Variants in GRIK1 observed in about 807,000 individuals in gnomAD.
The protein encoded by GRIK1 is glutamate receptor ionotropic, kainate 1.
A neutral mutation model predicts 105.7 loss-of-function variants in GRIK1; 69 were observed. The ratio of observed to expected loss-of-function variants is 0.65; its 90% confidence interval spans 0.54 to 0.80. The LOEUF is 0.80. Among genes scored for constraint, GRIK1 ranks in the 30% least tolerant of loss-of-function variants. The pLI is 0.00. For missense variants in GRIK1, 1,109 were observed against 1,167.3 expected, an observed-to-expected ratio of 0.95 and a Z score of 0.73; for synonymous variants, 438 against 431.3, an observed-to-expected ratio of 1.02 and a Z score of -0.19.
chr21:29,544,084 C>T (rs77153871), intron 16 of GRIK1, among the ~76,000 whole-genome samples: 3,634 of 152,254 alleles, frequency 0.024, 133 homozygotes, highest in African/African-American at 0.082. Flanking sequence ...TTTGCATGAA[C>T]GCATGCCCTA....
chr21:29,588,099 C>A (rs1005617823), intron 11 of GRIK1, among the ~76,000 whole-genome samples: 1 of 149,880 alleles, frequency 6.7e-6, no homozygotes, highest in East Asian at 2.0e-4. Flanking sequence ...CTCAGCCTAC[C>A]GAGTAGCTGG....
rs184032488 is a variant in GRIK1, at chr21:29,703,208, G to A, written c.119-9145C>T. On this transcript the variant is annotated intron_variant, in intron 1 of 17. Coordinates refer to ENST00000327783, the MANE Select transcript of GRIK1 (RefSeq NM_001330994.2). ...TACTATATGTATTCTAACAAAGCTCGCTTGCTCCCTTAACTAACTTCTGTG... is the reference window on the plus strand; with the variant it reads ...TACTATATGTATTCTAACAAAGCTCACTTGCTCCCTTAACTAACTTCTGTG... Among the ~76,000 whole-genome samples the A allele has an allele frequency of 3.3e-5, 5 of 152,254 alleles. No individual in the cohort carries two copies. The East Asian group carries it at 7.7e-4, about 23-fold the overall frequency.
At chr21:29,680,378 G>A (rs1337265183) in intron 3 of GRIK1, among the ~76,000 whole-genome samples, 4 of 152,074 alleles carry the variant, frequency 2.6e-5, no homozygotes, top group Non-Finnish European at 4.4e-5. Flanking sequence ...CATTAAAAAT[G>A]TTTCCAGAAC....
At chr21:29,888,544 T>G (rs1392902241) in intron 1 of GRIK1, among the ~76,000 whole-genome samples, 2 of 151,862 alleles carry the variant, frequency 1.3e-5, no homozygotes, top group African/African-American at 4.8e-5. Context: ...GGGAACCACT[T>G]ACAGGTGTGA....
intron 16 of GRIK1, chr21:29,553,401 T>A (rs1190325176): frequency 6.8e-6 from 9 of 1,319,662 alleles, no homozygotes; most frequent in Non-Finnish European, 7.7e-6. Context: ...ATCTTTCCAG[T>A]GTATTCATTT....
intron 1 of GRIK1, among the ~76,000 whole-genome samples, chr21:29,821,916 T>G (rs371993341): frequency 6.6e-6 from 1 of 152,040 alleles, no homozygotes; most frequent in East Asian, 1.9e-4. Flanking sequence ...GCAATTCTTC[T>G]GTAAGCTTTT....
At chr21:29,697,004 T>C (rs1249866715) in intron 1 of GRIK1, among the ~76,000 whole-genome samples, 1 of 152,074 alleles carries the variant, frequency 6.6e-6, no homozygotes, top group African/African-American at 2.4e-5. Flanking sequence ...TTTTTTTCCA[T>C]TTTTATAAAT....
chr21:29,886,621 T>C (rs1403663535), intron 1 of GRIK1, among the ~76,000 whole-genome samples: 1 of 152,204 alleles, frequency 6.6e-6, no homozygotes, highest in African/African-American at 2.4e-5. Flanking sequence ...ACAATAACTT[T>C]AAGGGTAAGT....
At chr21:29,800,389 C>A (rs906430363) in intron 1 of GRIK1, among the ~76,000 whole-genome samples, 2 of 152,180 alleles carry the variant, frequency 1.3e-5, no homozygotes, top group South Asian at 4.1e-4. Flanking sequence ...CCATTTTCCC[C>A]ACTCTAAAAG....
At chr21:29,721,259 C>G (rs945245607) in intron 1 of GRIK1, among the ~76,000 whole-genome samples, 1 of 152,112 alleles carries the variant, frequency 6.6e-6, no homozygotes, top group East Asian at 1.9e-4. Flanking sequence ...GTTATTGAAC[C>G]CTCCGAGGAT....
At chr21:29,758,051 A>C (rs773007062) in intron 1 of GRIK1, among the ~76,000 whole-genome samples, 45 of 152,236 alleles carry the variant, frequency 3.0e-4, no homozygotes, top group Non-Finnish European at 6.2e-4. Flanking sequence ...GGGAAGGGGT[A>C]GCATGTTCCA....
At chr21:29,891,959 C>T (rs1447979305) in intron 1 of GRIK1, among the ~76,000 whole-genome samples, 1 of 152,164 alleles carries the variant, frequency 6.6e-6, no homozygotes, top group African/African-American at 2.4e-5. Flanking sequence ...ATCGTAGGTA[C>T]TCAATCTGAG....
Position 29,759,553 on chromosome 21 carries a change from CAT to C in GRIK1, c.119-65492_119-65491del, listed in dbSNP as rs574479889. Among the ~76,000 whole-genome samples the C allele has an allele frequency of 2.2e-4, 34 of 152,258 alleles. No homozygotes were observed. In the South Asian group the frequency reaches 6.0e-3, roughly 27 times the overall value. On this transcript the variant is annotated intron_variant, in intron 1 of 17. Transcript: ENST00000327783. ...TACATCCTTCTTAAGTCTTTGGAATCATAGATTATACTATCAGCAGATAAACT... is the reference window on the plus strand; with the variant it reads ...TACATCCTTCTTAAGTCTTTGGAATCAGATTATACTATCAGCAGATAAACT...
chr21:29,631,693 T>C (rs147749321), intron 7 of GRIK1, among the ~76,000 whole-genome samples: 196 of 152,248 alleles, frequency 1.3e-3, no homozygotes, highest in African/African-American at 4.5e-3. Flanking sequence ...AAAAGACTTA[T>C]GAAAAAAAGT....
In GRIK1 at chr21:29,537,199, T is replaced by A. The variant is rs2123630869; in HGVS notation, c.*31A>T. On this transcript the variant is annotated 3_prime_UTR_variant, in exon 18 of 18. Transcript: ENST00000327783. ...TCTCCAAAAATCTGTAGGGAATGCA[T>A]CCTTTTTCTTCCTACAGGCGTTTCC... 5.3e-6 allele frequency: 8 copies of A among 1,522,598 alleles called. No individual in the cohort carries two copies. The East Asian group carries it at 1.1e-4, about 22-fold the overall frequency. The allele number at this position is 1,522,598 out of a possible 1,614,324, so 94.3% of individuals were successfully genotyped here. A position where few individuals can be genotyped will look rare whatever the true frequency, so the allele number is the denominator to read the frequency against.
chr21:29,719,081 C>CATATATATATATATATATATAT (rs71335089), intron 1 of GRIK1, among the ~76,000 whole-genome samples: 1 of 143,320 alleles, frequency 7.0e-6, no homozygotes, highest in Non-Finnish European at 1.5e-5. Context: ...TGTGTATATA[C>CATATATATATATATATATATAT]ATATATATAT....
chr21:29,888,184 C>CTTTCTTTCTTTCTTTCTTTCTTTCTTT (rs1301166060), intron 1 of GRIK1, among the ~76,000 whole-genome samples: 4 of 64,836 alleles, frequency 6.2e-5, no homozygotes, highest in African/African-American at 2.0e-4. Flanking sequence ...TTTCTTTCTT[C>CTTTCTTTCTTTCTTTCTTTCTTTCTTT]CTTTCTTTCT....
intron 16 of GRIK1, among the ~76,000 whole-genome samples, chr21:29,549,075 C>T (rs1346115343): frequency 6.6e-6 from 1 of 152,142 alleles, no homozygotes; most frequent in Non-Finnish European, 1.5e-5. Flanking sequence ...CCATGTTGCC[C>T]AGGCTGGTCT....
chr21:29,600,832 C>T (rs547826025), intron 7 of GRIK1, among the ~76,000 whole-genome samples: 187 of 152,294 alleles, frequency 1.2e-3, no homozygotes, highest in African/African-American at 4.1e-3. Flanking sequence ...CACGTTTAGC[C>T]TTTACTTGGC....
Sources: allele counts gnomAD v4.1 joint callset (sites outside exome capture counted in the v4.1 genomes callset), GRCh38; gene constraint gnomAD v4.1.1; transcripts MANE v1.5; gene names NCBI Gene and HGNC (gene_info 2026-07-23, HGNC 2026-07-21).